ATG4A: variants seen among roughly 807,000 people sequenced by gnomAD.
ATG4A encodes cysteine protease ATG4A.
In ATG4A, 22 loss-of-function variants were observed where a neutral mutation model predicts 38.4. The ratio of observed to expected loss-of-function variants is 0.57; its 90% CI spans 0.41 to 0.82. The LOEUF is 0.82. ATG4A is among the 40% of genes least tolerant of loss of function. ATG4A has a pLI of 0.00. For missense variants in ATG4A, 220 were observed against 290.0 expected, an observed-to-expected ratio of 0.76 and a Z score of 1.75; for synonymous variants, 86 against 100.7, an observed-to-expected ratio of 0.85 and a Z score of 0.88.
intron 1 of ATG4A, among the ~76,000 whole-genome samples, chrX:108,115,793 A>T (rs780620415): frequency 1.7e-3 from 192 of 112,564 alleles, no homozygotes; most frequent in African/African-American, 6.0e-3. Flanking sequence ...TATGATAAAA[A>T]AAAGTTTTAA....
intron 9 of ATG4A, chrX:108,143,709 AG>A: frequency 4.0e-6 from 1 of 249,873 alleles, no homozygotes; most frequent in South Asian, 4.1e-5. Flanking sequence ...TAAGAACTCT[AG>A]GCCAGCAGAA....
intron 2 of ATG4A, chrX:108,126,787 T>C (rs780345454): frequency 6.1e-6 from 6 of 978,444 alleles, no homozygotes; most frequent in Non-Finnish European, 8.0e-6. Flanking sequence ...CATTACATTC[T>C]TATAGATTGG....
intron 1 of ATG4A, among the ~76,000 whole-genome samples, chrX:108,107,114 C>A (rs2032199108): frequency 9.0e-6 from 1 of 110,994 alleles, no homozygotes; most frequent in Non-Finnish European, 1.9e-5. Flanking sequence ...CCTTTAGTCC[C>A]ACACTGTTTC....
chrX:108,134,928 G>A (rs2033059389), intron 6 of ATG4A, among the ~76,000 whole-genome samples: 2 of 112,035 alleles, frequency 1.8e-5, no homozygotes, highest in South Asian at 7.5e-4. Flanking sequence ...CCTGTTGGGG[G>A]CGACAAACCC....
intron 3 of ATG4A, among the ~76,000 whole-genome samples, chrX:108,129,685 C>A (rs1344987778): frequency 1.8e-5 from 2 of 108,215 alleles, no homozygotes; most frequent in Non-Finnish European, 3.8e-5. Flanking sequence ...ATTCTCCTGC[C>A]TCAGCCTCCC....
At chrX:108,099,756 A>T (rs1009367422) in intron 1 of ATG4A, among the ~76,000 whole-genome samples, 1 of 111,810 alleles carries the variant, frequency 8.9e-6, no homozygotes, top group African/African-American at 3.2e-5. Context: ...TTGCTTTTGC[A>T]CTGTTGTAAA....
chrX:108,110,275 C>A lies in ATG4A; in HGVS notation c.11-15802C>A, dbSNP rs774141342. ...GTCCCAGCTACTTGGGAAGCTGAGG[C>A]AAGAGGATCCCTTAAGCCCAGAAAG... On this transcript the variant is annotated intron_variant, in intron 1 of 12. Transcript: ENST00000372232. Among the ~76,000 whole-genome samples, 6 of 105,962 alleles carry A rather than the reference C, an allele frequency of 5.7e-5. No homozygotes were observed. The East Asian group carries it at 1.7e-3, about 31-fold the overall frequency. The allele number at this position is 105,962 out of a possible 115,157, so 92.0% of individuals were successfully genotyped here. A position where few individuals can be genotyped will look rare whatever the true frequency, so the allele number is the denominator to read the frequency against.
intron 9 of ATG4A, among the ~76,000 whole-genome samples, chrX:108,148,562 G>T (rs190416374): frequency 9.2e-6 from 1 of 108,588 alleles, no homozygotes; most frequent in African/African-American, 3.4e-5. Context: ...CATGGGAAAA[G>T]GTCCTGGTCA....
chrX:108,139,356 A>C (rs1453696548), intron 9 of ATG4A, among the ~76,000 whole-genome samples: 1 of 112,219 alleles, frequency 8.9e-6, no homozygotes, highest in African/African-American at 3.2e-5. Context: ...TCTTACAGTA[A>C]AGTGTTCATC....
At chrX:108,103,542 C>G (rs1272808294) in intron 1 of ATG4A, among the ~76,000 whole-genome samples, 1 of 111,733 alleles carries the variant, frequency 8.9e-6, no homozygotes, top group Non-Finnish European at 1.9e-5. Flanking sequence ...TGTCTTGTAG[C>G]TTTTTTGTCC....
At chrX:108,137,029 A>G in intron 6 of ATG4A, 62 bp from the exon 7 acceptor site, 2 of 988,674 alleles carry the variant, frequency 2.0e-6, no homozygotes, top group South Asian at 4.1e-5. Flanking sequence ...CATAAATTGT[A>G]CTGTTTTCTG....
intron 9 of ATG4A, among the ~76,000 whole-genome samples, chrX:108,140,946 A>G (rs1359607166): frequency 1.1e-5 from 1 of 93,447 alleles, no homozygotes; most frequent in African/African-American, 4.0e-5. Context: ...ACATATATAT[A>G]CACATATATA....
chrX:108,097,382 G>C (rs2031858513), intron 1 of ATG4A, among the ~76,000 whole-genome samples: 1 of 112,169 alleles, frequency 8.9e-6, no homozygotes, highest in African/African-American at 3.2e-5. Context: ...TTGGTGAAAT[G>C]ACAAGATTTT....
intron 9 of ATG4A, among the ~76,000 whole-genome samples, chrX:108,140,658 GTAT>G (rs2033216979): frequency 1.0e-5 from 1 of 96,994 alleles, no homozygotes; most frequent in Non-Finnish European, 2.0e-5. Context: ...CATATACAAA[GTAT>G]TATATACATT....
chrX:108,131,414 G>C (rs1353916286), intron 4 of ATG4A, 56 bp downstream of exon 4: 3 of 1,099,614 alleles, frequency 2.7e-6, no homozygotes, highest in African/African-American at 1.8e-5. Context: ...ATCACTTGCT[G>C]CTGTTGATTT....
At chrX:108,112,619 TCTC>T (rs2032392343) in intron 1 of ATG4A, among the ~76,000 whole-genome samples, 1 of 110,563 alleles carries the variant, frequency 9.0e-6, no homozygotes, top group Non-Finnish European at 1.9e-5. Flanking sequence ...ATGGTCTTCA[TCTC>T]CTGACCTCGT....
At chrX:108,103,236 T>C (rs1397881107) in intron 1 of ATG4A, among the ~76,000 whole-genome samples, 1 of 112,108 alleles carries the variant, frequency 8.9e-6, no homozygotes, top group Non-Finnish European at 1.9e-5. Context: ...CAGTCTATCA[T>C]TGATGGGCCT....
chrX:108,136,937 A>G (rs776632080), intron 6 of ATG4A, among the ~76,000 whole-genome samples, 154 bp from the exon 7 acceptor site: 66 of 112,142 alleles, frequency 5.9e-4, no homozygotes, highest in Non-Finnish European at 1.0e-3. Flanking sequence ...GGAGCATCCC[A>G]GAGCTCTGGC....
intron 9 of ATG4A, among the ~76,000 whole-genome samples, chrX:108,149,782 G>T (rs2033536438): frequency 8.9e-6 from 1 of 112,267 alleles, no homozygotes; most frequent in African/African-American, 3.2e-5. Context: ...GAGGCAGAAA[G>T]CTCCCTAATG....
Sources: allele counts gnomAD v4.1 joint callset (sites outside exome capture counted in the v4.1 genomes callset), GRCh38; gene constraint gnomAD v4.1.1; transcripts MANE v1.5; gene names NCBI Gene and HGNC (gene_info 2026-07-23, HGNC 2026-07-21).